The following ARSG variants were observed in gnomAD, a reference collection of about 807,000 sequenced individuals.
ARSG encodes the protein ASG.
Under a neutral mutation model 50.5 loss-of-function variants are expected in ARSG, and 37 were observed. The observed-to-expected ratio is 0.73, with a 90% CI of 0.56 to 0.96. The LOEUF (loss-of-function observed/expected upper bound fraction) is 0.96. Ranked by LOEUF, ARSG falls within the 50% of genes least tolerant of loss-of-function variation. The pLI, the probability that ARSG is intolerant of heterozygous loss-of-function variation, is 0.00. For synonymous variants in ARSG, 225 were observed against 254.6 expected (o/e 0.88, Z 1.11); for missense variants, 629 against 675.3 (o/e 0.93, Z 0.76).
At chr17:68,273,836 A>G (rs1555749944) in intron 1 of ARSG, 2 of 1,440,406 alleles carry the variant, frequency 1.4e-6, no homozygotes, top group African/African-American at 2.8e-5. Context: ...AAAGAGAAAG[A>G]AATATAGTTT....
At chr17:68,305,064 C>A (rs1234356767) in intron 1 of ARSG, among the ~76,000 whole-genome samples, 3 of 152,102 alleles carry the variant, frequency 2.0e-5, no homozygotes, top group Non-Finnish European at 4.4e-5. Flanking sequence ...ATTCTAGCTA[C>A]CCGGGAGGCT....
rs980803849 is a variant in ARSG at position 68,403,872 on chromosome 17, C to T, written c.1303+2422C>T. Among the ~76,000 whole-genome samples the T allele has an allele frequency of 3.9e-5, 6 of 151,932 alleles. No individual in the cohort carries two copies. The East Asian group carries it at 5.8e-4, about 15-fold the overall frequency. ...TTCCCTCCCCCCTCACCCCACCCCA[C>T]GACAGGCCCCGGTGTGTGATGTTCC... On this transcript the variant is annotated intron_variant, in intron 11 of 11. Coordinates refer to ENST00000621439, the MANE Select transcript of ARSG (RefSeq NM_001267727.2).
intron 5 of ARSG, among the ~76,000 whole-genome samples, chr17:68,355,773 T>C (rs1162551452): frequency 6.6e-6 from 1 of 150,800 alleles, no homozygotes; most frequent in Non-Finnish European, 1.5e-5. Flanking sequence ...TTCCAGGAGA[T>C]GTTATTAGTT....
intron 9 of ARSG, among the ~76,000 whole-genome samples, chr17:68,389,759 C>T (rs2080903864): frequency 6.6e-6 from 1 of 152,086 alleles, no homozygotes; most frequent in Admixed American, 6.5e-5. Flanking sequence ...TAGATCAGAT[C>T]CACCTTTTTT....
At chr17:68,292,121 G>C (rs543747008) in intron 1 of ARSG, among the ~76,000 whole-genome samples, 2 of 152,228 alleles carry the variant, frequency 1.3e-5, no homozygotes, top group East Asian at 3.9e-4. Flanking sequence ...CGCTGCGGGT[G>C]CCTTGCTTCC....
intron 8 of ARSG, among the ~76,000 whole-genome samples, chr17:68,380,651 G>A (rs1599978060): frequency 6.6e-6 from 1 of 152,256 alleles, no homozygotes; most frequent in East Asian, 1.9e-4. Context: ...CATACTAAAT[G>A]TGTCTTAATT....
intron 2 of ARSG, among the ~76,000 whole-genome samples, chr17:68,315,695 C>T (rs571469691): frequency 6.6e-6 from 1 of 152,158 alleles, no homozygotes; most frequent in Admixed American, 6.5e-5. Context: ...TGCAGTGGCG[C>T]GATCTTGGCT....
rs1183600696 is a variant in ARSG at position 68,366,116 on chromosome 17, G to C, written c.705-2432G>C. Among the ~76,000 whole-genome samples, 3 of 151,658 alleles carry C rather than the reference G, an allele frequency of 2.0e-5. No homozygotes were observed. In the East Asian group the frequency reaches 5.8e-4, roughly 29 times the overall value. On this transcript the variant is annotated intron_variant, in intron 6 of 11. Coordinates refer to ENST00000621439, the MANE Select transcript of ARSG (RefSeq NM_001267727.2). ...CCACGCCTGGCTAATTTTTGTATTT[G>C]TTAGTAGAGGCAGGGTTTTGCCATC...
chr17:68,328,019 G>A (rs959171748), intron 2 of ARSG, among the ~76,000 whole-genome samples: 27 of 152,054 alleles, frequency 1.8e-4, no homozygotes, highest in African/African-American at 6.0e-4. Context: ...ACCAGGAGGG[G>A]GTGGTCACAG....
At chr17:68,431,192 A>T in the ARSG span, among the ~76,000 whole-genome samples, 58 of 152,304 alleles carry the variant, frequency 3.8e-4, no homozygotes, top group Non-Finnish European at 7.9e-4. Context: ...AGCAGTTAAT[A>T]TGCGGTGCTG....
chr17:68,357,933 G>A (rs2079107745), intron 6 of ARSG, among the ~76,000 whole-genome samples: 1 of 152,296 alleles, frequency 6.6e-6, no homozygotes. Flanking sequence ...GCTGGGGGTG[G>A]TAGCTCATGC....
chr17:68,370,394 G>C lies in ARSG; in HGVS notation c.902-50G>C, dbSNP rs368559499. 4 of 1,581,758 alleles carry C rather than the reference G, an allele frequency of 2.5e-6. No individual in the cohort carries two copies. The African/African-American group carries it at 4.0e-5, about 16-fold the overall frequency. On this transcript the variant is annotated intron_variant, in intron 7 of 11. Transcript: ENST00000621439. ...ATAGGGCCAGAGTGGGAGGGTCAGC[G>C]AAAGTGTCCAACCAGCCTGGTGACC...
chr17:68,366,569 G>GA (rs1281891644), intron 6 of ARSG, among the ~76,000 whole-genome samples: 1 of 152,050 alleles, frequency 6.6e-6, no homozygotes, highest in African/African-American at 2.4e-5. Context: ...ATTGCTGTAC[G>GA]AAAAAACTAG....
chr17:68,335,829 T>C (rs1180148032), intron 2 of ARSG, among the ~76,000 whole-genome samples: 1 of 152,196 alleles, frequency 6.6e-6, no homozygotes, highest in Non-Finnish European at 1.5e-5. Context: ...ATGTGGTGTG[T>C]TGGAAGCAAA....
chr17:68,290,543 C>G (rs1386691160), upstream of ARSG, among the ~76,000 whole-genome samples: 1 of 152,232 alleles, frequency 6.6e-6, no homozygotes, highest in South Asian at 2.1e-4. Flanking sequence ...CCCGGCTTCC[C>G]GCTGGGGACA....
chr17:68,376,042 G>A (rs949440589), intron 8 of ARSG, among the ~76,000 whole-genome samples: 2 of 152,018 alleles, frequency 1.3e-5, no homozygotes, highest in Non-Finnish European at 2.9e-5. Flanking sequence ...GTTGTGCAAC[G>A]ACCACATCTG....
the ARSG span, among the ~76,000 whole-genome samples, chr17:68,440,078 A>T: frequency 6.6e-6 from 1 of 152,218 alleles, no homozygotes; most frequent in African/African-American, 2.4e-5. Context: ...CTAGATGCTA[A>T]CAAGAAAGGG....
At chr17:68,339,134 C>T (rs2078155692) in intron 2 of ARSG, among the ~76,000 whole-genome samples, 1 of 151,612 alleles carries the variant, frequency 6.6e-6, no homozygotes, top group African/African-American at 2.4e-5. Flanking sequence ...TAAAATTAGC[C>T]ACTTTGTAGC....
chr17:68,363,116 C>G (rs141214024), intron 6 of ARSG, among the ~76,000 whole-genome samples: 44 of 152,050 alleles, frequency 2.9e-4, no homozygotes, highest in Non-Finnish European at 6.0e-4. Flanking sequence ...TTATTAATAC[C>G]GCAAGAAGCA....
Sources: gnomAD v4.1 joint callset for allele counts (sites outside exome capture counted in the v4.1 genomes callset) on GRCh38, gnomAD v4.1.1 for gene constraint, MANE v1.5 for transcripts, NCBI Gene and HGNC (gene_info 2026-07-23, HGNC 2026-07-21) for gene names.